Variants in HYAL4 observed in about 807,000 individuals in gnomAD.
The protein encoded by HYAL4 is hyaluronidase-4.
Under a neutral mutation model 35.2 loss-of-function variants are expected in HYAL4, and 37 were observed. That is an observed-to-expected ratio of 1.05 (90% CI 0.81 to 1.38). The LOEUF (loss-of-function observed/expected upper bound fraction) is 1.38. Among genes scored for constraint, HYAL4 ranks in the 40% most tolerant of loss-of-function variants. The pLI, the probability that HYAL4 is intolerant of heterozygous loss-of-function variation, is 0.00. For synonymous variants in HYAL4, 198 were observed against 203.2 expected (o/e 0.97, Z 0.22); for missense variants, 572 against 572.4 (o/e 1.00, Z 0.01).
intron 2 of HYAL4, among the ~76,000 whole-genome samples, chr7:123,860,673 GA>G (rs1259229674): frequency 6.6e-6 from 1 of 152,078 alleles, no homozygotes; most frequent in African/African-American, 2.4e-5. Context: ...CTAATTATAA[GA>G]ATTAGGAAGA....
At chr7:123,766,857 G>A in the HYAL4 span, among the ~76,000 whole-genome samples, 3 of 152,098 alleles carry the variant, frequency 2.0e-5, no homozygotes, top group Non-Finnish European at 2.9e-5. Context: ...AAAGCAAAAC[G>A]TGATATACAA....
chr7:123,764,906 A>G, the HYAL4 span, among the ~76,000 whole-genome samples: 2 of 152,220 alleles, frequency 1.3e-5, no homozygotes, highest in Non-Finnish European at 2.9e-5. Context: ...ATAAGAAAAG[A>G]AAACAAAATT....
the HYAL4 span, among the ~76,000 whole-genome samples, chr7:123,789,398 A>C: frequency 6.6e-6 from 1 of 152,120 alleles, no homozygotes; most frequent in Non-Finnish European, 1.5e-5. Context: ...CTGACTGGGG[A>C]GGGAGGTAAC....
the HYAL4 span, among the ~76,000 whole-genome samples, chr7:123,813,645 A>G: frequency 6.6e-6 from 1 of 152,350 alleles, no homozygotes; most frequent in Non-Finnish European, 1.5e-5. Flanking sequence ...TTCAAATTGC[A>G]TGTAAAGTAT....
At chr7:123,871,379 A>T (rs1806879774) in intron 3 of HYAL4, among the ~76,000 whole-genome samples, 1 of 151,888 alleles carries the variant, frequency 6.6e-6, no homozygotes, top group Non-Finnish European at 1.5e-5. Flanking sequence ...TTTAGTAGAG[A>T]CGGGGTTTTG....
At chr7:123,873,862 T>C (rs1806944182) in intron 3 of HYAL4, among the ~76,000 whole-genome samples, 1 of 152,216 alleles carries the variant, frequency 6.6e-6, no homozygotes, top group Non-Finnish European at 1.5e-5. Context: ...CATGACTGGA[T>C]GAGTCATAAA....
chr7:123,823,985 A>G (rs1805765020), upstream of HYAL4, among the ~76,000 whole-genome samples: 1 of 152,038 alleles, frequency 6.6e-6, no homozygotes, highest in African/African-American at 2.4e-5. Flanking sequence ...AGGAATTAAA[A>G]TGTCTAGTCT....
chr7:123,874,982 G>A (rs1806975104), intron 4 of HYAL4, 132 bp downstream of exon 4: 1 of 613,340 alleles, frequency 1.6e-6, no homozygotes, highest in Non-Finnish European at 2.9e-6. Flanking sequence ...CTGATACATA[G>A]CAAAGGCTAA....
At chr7:123,845,019 C>G (rs1806146343), upstream of HYAL4, 1 of 152,218 alleles carries the variant, frequency 6.6e-6, no homozygotes, top group East Asian at 1.9e-4. Flanking sequence ...GCTCGCCCTC[C>G]TTGGACTGCA....
At chr7:123,863,337 TTCA>T (rs143946688) in intron 2 of HYAL4, among the ~76,000 whole-genome samples, 11,877 of 152,166 alleles carry the variant, frequency 0.078, 1,523 homozygotes, top group African/African-American at 0.27. Context: ...TGCCTCTGCC[TTCA>T]TCATACAATG....
intron 3 of HYAL4, 52 bp downstream of exon 3, chr7:123,869,279 G>A: frequency 8.4e-7 from 1 of 1,195,778 alleles, no homozygotes; most frequent in Non-Finnish European, 1.2e-6. Context: ...TCTCTAAAAG[G>A]ACATTTCTTT....
At chr7:123,765,981 G>A in the HYAL4 span, among the ~76,000 whole-genome samples, 6 of 152,154 alleles carry the variant, frequency 3.9e-5, no homozygotes, top group East Asian at 1.9e-4. Context: ...TTTCCTCTCC[G>A]AAATATGCTT....
chr7:123,823,930 A>C, the HYAL4 span, among the ~76,000 whole-genome samples: 1 of 152,108 alleles, frequency 6.6e-6, no homozygotes, highest in Non-Finnish European at 1.5e-5. Context: ...TTCTGAGACC[A>C]CAGCTCTTCC....
chr7:123,852,911 C>G (rs184254569), intron 2 of HYAL4, among the ~76,000 whole-genome samples: 50 of 152,102 alleles, frequency 3.3e-4, no homozygotes, highest in African/African-American at 1.2e-3. Flanking sequence ...CCCTTATTTC[C>G]TTGACAGTGG....
At chr7:123,870,485 C>T (rs970178636) in intron 3 of HYAL4, among the ~76,000 whole-genome samples, 5 of 152,018 alleles carry the variant, frequency 3.3e-5, no homozygotes, top group South Asian at 4.2e-4. Flanking sequence ...TTATCTAGGC[C>T]GGGTGCAGTG....
the HYAL4 span, among the ~76,000 whole-genome samples, chr7:123,775,841 T>C: frequency 6.6e-6 from 1 of 152,060 alleles, no homozygotes; most frequent in South Asian, 2.1e-4. Context: ...AGGCAACTGG[T>C]GTAACAGGAA....
At chr7:123,773,727 C>A in the HYAL4 span, among the ~76,000 whole-genome samples, 1 of 152,188 alleles carries the variant, frequency 6.6e-6, no homozygotes, top group Non-Finnish European at 1.5e-5. Flanking sequence ...AATTAAATTC[C>A]TCAAGCTCAT....
At chr7:123,874,872 A>G (rs773663511) in intron 4 of HYAL4, 22 bp downstream of exon 4, 12 of 1,309,548 alleles carry the variant, frequency 9.2e-6, no homozygotes, top group Non-Finnish European at 8.9e-6. Context: ...TCTTGAAGGT[A>G]TATTTAATGT....
At chr7:123,847,842 T>G (rs2116924237) in intron 1 of HYAL4, among the ~76,000 whole-genome samples, 2 of 152,332 alleles carry the variant, frequency 1.3e-5, no homozygotes, top group South Asian at 4.1e-4. Flanking sequence ...TTTCTCTTTA[T>G]TCTGGAAGTC....
Sources: gnomAD v4.1 joint callset for allele counts (sites outside exome capture counted in the v4.1 genomes callset) on GRCh38, gnomAD v4.1.1 for gene constraint, MANE v1.5 for transcripts, NCBI Gene and HGNC (gene_info 2026-07-23, HGNC 2026-07-21) for gene names.